Variants in ST6GALNAC3 observed in about 807,000 individuals in gnomAD.
ST6GALNAC3 encodes ST6 N-acetylgalactosaminide alpha-2,6-sialyltransferase 3, also known as alpha-N-acetylgalactosaminide alpha-2,6-sialyltransferase 3.
Under a neutral mutation model 32.7 loss-of-function variants are expected in ST6GALNAC3, and 25 were observed. That is an observed-to-expected ratio of 0.76 (90% confidence interval 0.56 to 1.07). ST6GALNAC3 has a LOEUF of 1.07. Among genes scored for constraint, ST6GALNAC3 ranks in the 50% least tolerant of loss-of-function variants. The pLI is 0.00. For missense variants in ST6GALNAC3, 355 were observed against 382.4 expected (o/e 0.93, Z 0.60); for synonymous variants, 129 against 133.1 (o/e 0.97, Z 0.21).
chr1:76,126,809 G>T (rs1335296220), intron 1 of ST6GALNAC3, among the ~76,000 whole-genome samples: 3 of 152,154 alleles, frequency 2.0e-5, no homozygotes, highest in Non-Finnish European at 4.4e-5. Context: ...CTCACTCCCA[G>T]TGGGCTTTCA....
At chr1:76,519,156 T>C (rs1245047270) in intron 3 of ST6GALNAC3, among the ~76,000 whole-genome samples, 2 of 152,134 alleles carry the variant, frequency 1.3e-5, no homozygotes, top group Non-Finnish European at 2.9e-5. Context: ...CAGTGTCATC[T>C]TTTTTTAGAT....
chr1:76,237,308 G>A (rs1351464860), intron 1 of ST6GALNAC3, among the ~76,000 whole-genome samples: 4 of 152,068 alleles, frequency 2.6e-5, no homozygotes, highest in Non-Finnish European at 2.9e-5. Context: ...TAATTTTTGT[G>A]TTTTCAGTAA....
At chr1:76,535,108 T>C (rs2101832073) in intron 3 of ST6GALNAC3, among the ~76,000 whole-genome samples, 2 of 152,284 alleles carry the variant, frequency 1.3e-5, no homozygotes, top group Middle Eastern at 6.8e-3. Flanking sequence ...GGGCATGGGA[T>C]ACACAGGGTT....
intron 3 of ST6GALNAC3, among the ~76,000 whole-genome samples, chr1:76,550,859 G>A (rs1030523181): frequency 2.6e-5 from 4 of 152,132 alleles, no homozygotes; most frequent in Admixed American, 2.0e-4. Flanking sequence ...GGGTTCAAGC[G>A]ATTTTCCTGT....
At chr1:76,544,930 C>T (rs1417272610) in intron 3 of ST6GALNAC3, among the ~76,000 whole-genome samples, 1 of 152,160 alleles carries the variant, frequency 6.6e-6, no homozygotes, top group Non-Finnish European at 1.5e-5. Context: ...GTAGAAAGAA[C>T]ATAATATCAA....
intron 3 of ST6GALNAC3, among the ~76,000 whole-genome samples, chr1:76,502,704 G>T (rs1296446995): frequency 6.6e-6 from 1 of 152,084 alleles, no homozygotes; most frequent in Non-Finnish European, 1.5e-5. Flanking sequence ...AAGTTGGGGG[G>T]TAAGTATTTA....
At chr1:76,534,597 C>A (rs1331583954) in intron 3 of ST6GALNAC3, among the ~76,000 whole-genome samples, 1 of 152,144 alleles carries the variant, frequency 6.6e-6, no homozygotes, top group Non-Finnish European at 1.5e-5. Flanking sequence ...CAGAGACCAC[C>A]TCCTATACTC....
intron 3 of ST6GALNAC3, among the ~76,000 whole-genome samples, chr1:76,559,336 G>T (rs1167066658): frequency 6.6e-6 from 1 of 152,152 alleles, no homozygotes; most frequent in Non-Finnish European, 1.5e-5. Context: ...GCAAAAGAAT[G>T]AAGTTGAACC....
At chr1:76,261,011 C>CAT (rs57760553) in intron 1 of ST6GALNAC3, among the ~76,000 whole-genome samples, 5 of 151,168 alleles carry the variant, frequency 3.3e-5, no homozygotes, top group South Asian at 4.2e-4. Context: ...CACACACACA[C>CAT]GCTGTGAAAT....
At chr1:76,479,050 A>G (rs1038852310) in intron 3 of ST6GALNAC3, among the ~76,000 whole-genome samples, 2 of 152,136 alleles carry the variant, frequency 1.3e-5, no homozygotes, top group Non-Finnish European at 2.9e-5. Context: ...GGCGTAACCC[A>G]CCATGCTCTG....
Position 76,613,053 on chromosome 1 carries a change from G to T in ST6GALNAC3, c.624-14399G>T, listed in dbSNP as rs180953464. Among the ~76,000 whole-genome samples, 5 of 152,282 alleles carry T rather than the reference G, an allele frequency of 3.3e-5. No homozygotes were observed. In the South Asian group the frequency reaches 1.0e-3, roughly 32 times the overall value. The stretch of plus-strand genomic sequence containing the variant: ...CAAAAGCAGGAGGATGGCCTTGCCT[G>T]TGTCTGTAAGACGACTTGAGACAGT... On this transcript the variant is annotated intron_variant, in intron 3 of 4. Coordinates refer to ENST00000328299, the MANE Select transcript of ST6GALNAC3 (RefSeq NM_152996.4).
At chr1:76,118,579 C>T (rs1293962828) in intron 1 of ST6GALNAC3, among the ~76,000 whole-genome samples, 2 of 152,170 alleles carry the variant, frequency 1.3e-5, no homozygotes, top group East Asian at 3.9e-4. Context: ...ACCCACTACA[C>T]TGCCTATTTC....
intron 1 of ST6GALNAC3, among the ~76,000 whole-genome samples, chr1:76,168,562 T>C (rs1458014495): frequency 1.3e-5 from 2 of 152,172 alleles, no homozygotes; most frequent in Non-Finnish European, 2.9e-5. Flanking sequence ...ATATTGTCAT[T>C]GGGTGTTAAA....
chr1:76,264,410 C>G (rs1658417375), intron 1 of ST6GALNAC3, among the ~76,000 whole-genome samples: 1 of 152,188 alleles, frequency 6.6e-6, no homozygotes, highest in Non-Finnish European at 1.5e-5. Context: ...GTTCACCAAG[C>G]ACGTCTGCCA....
chr1:76,084,284 C>T (rs767222162), intron 1 of ST6GALNAC3, among the ~76,000 whole-genome samples: 1 of 152,242 alleles, frequency 6.6e-6, no homozygotes, highest in Non-Finnish European at 1.5e-5. Context: ...AGGGACACAT[C>T]TGAGCGTTTG....
At chr1:76,282,856 C>G (rs112943657) in intron 1 of ST6GALNAC3, among the ~76,000 whole-genome samples, 1,999 of 134,196 alleles carry the variant, frequency 0.015, 19 homozygotes, top group Middle Eastern at 0.049. Context: ...TGGTGACATC[C>G]CATCTCTACT....
rs1415211932 is a variant in ST6GALNAC3, at chr1:76,509,103, A to T, written c.623+96686A>T. 6.6e-6 allele frequency among the ~76,000 whole-genome samples: 1 copy of T among 152,230 alleles called. No individual in the cohort carries two copies. Among genetic ancestry groups the T allele is most frequent in the Non-Finnish European group, 1.5e-5 (1 of 68,044 alleles). Reference sequence around the variant, plus strand: ...GAATGGAATTATTTATTCTGGAAACACCAACAGAGTTGTTCGTCAATTGTT... The same window carrying T: ...GAATGGAATTATTTATTCTGGAAACTCCAACAGAGTTGTTCGTCAATTGTT... On this transcript the variant is annotated intron_variant, in intron 3 of 4. Transcript: ENST00000328299. This position sits in a 1 kb window ranked among gnomAD's most constrained non-coding sequence, Gnocchi z 5.5.
intron 3 of ST6GALNAC3, among the ~76,000 whole-genome samples, chr1:76,480,474 A>G (rs1357603106): frequency 1.3e-5 from 2 of 152,184 alleles, no homozygotes; most frequent in Non-Finnish European, 2.9e-5. Flanking sequence ...GGAATTTGAA[A>G]ATGATGTTAG....
At chr1:76,612,668 T>C in intron 3 of ST6GALNAC3, among the ~76,000 whole-genome samples, 1 of 152,142 alleles carries the variant, frequency 6.6e-6, no homozygotes, top group East Asian at 1.9e-4. Context: ...AAATCGGCAG[T>C]TGCACTTTTA....
Sources: allele counts gnomAD v4.1 joint callset (sites outside exome capture counted in the v4.1 genomes callset), GRCh38; gene constraint gnomAD v4.1.1; non-coding constraint Gnocchi (gnomAD v3.1); transcripts MANE v1.5; gene names NCBI Gene and HGNC (gene_info 2026-07-23, HGNC 2026-07-21).